MXRA7: variants seen among roughly 807,000 people sequenced by gnomAD.
MXRA7 encodes matrix remodeling associated 7.
In MXRA7, 18 loss-of-function variants were observed where a neutral mutation model predicts 17.4. The ratio of observed to expected loss-of-function variants is 1.03; its 90% confidence interval spans 0.71 to 1.53. The LOEUF is 1.53. MXRA7 is among the 40% of genes most tolerant of loss of function. MXRA7 has a pLI of 0.00. For synonymous variants in MXRA7, 70 were observed against 101.7 expected, an observed-to-expected ratio of 0.69 and a Z score of 1.87; for missense variants, 141 against 209.3, an observed-to-expected ratio of 0.67 and a Z score of 2.01.
intron 1 of MXRA7, chr17:76,688,882 G>T: frequency 2.8e-6 from 1 of 357,464 alleles, no homozygotes. Flanking sequence ...AGCCCAGTGG[G>T]TAGATGTGGA....
chr17:76,697,902 G>C (rs1160754669), intron 1 of MXRA7, among the ~76,000 whole-genome samples: 2 of 151,818 alleles, frequency 1.3e-5, no homozygotes, highest in African/African-American at 4.8e-5. Flanking sequence ...GGAGAGAGGG[G>C]AGGGGAGAGA....
chr17:76,678,168 G>T (rs536088593), downstream of MXRA7, among the ~76,000 whole-genome samples: 46 of 152,328 alleles, frequency 3.0e-4, no homozygotes, highest in South Asian at 8.1e-3. Flanking sequence ...GGAAATCAGG[G>T]AGCATACAAG....
chr17:76,706,143 A>AGAGGCCCACG (rs1454274829), intron 1 of MXRA7, among the ~76,000 whole-genome samples: 3 of 54,252 alleles, frequency 5.5e-5, no homozygotes, highest in Non-Finnish European at 1.2e-4. Flanking sequence ...AAAGGACCAC[A>AGAGGCCCACG]CTGCCGTCAC....
At chr17:76,677,583 G>C (rs369217180), downstream of MXRA7, 4 of 1,598,550 alleles carry the variant, frequency 2.5e-6, no homozygotes, top group African/African-American at 2.7e-5. Context: ...TCCCGTGGGC[G>C]CAGTCTACAT....
At chr17:76,692,213 C>CA (rs34545186) in intron 1 of MXRA7, among the ~76,000 whole-genome samples, 50,513 of 139,856 alleles carry the variant, frequency 0.36, 9,627 homozygotes, top group Middle Eastern at 0.48. Flanking sequence ...ACCCTGTCAC[C>CA]AAAAGAAAAA....
chr17:76,692,456 T>A (rs1394687304), intron 1 of MXRA7, among the ~76,000 whole-genome samples: 1 of 152,030 alleles, frequency 6.6e-6, no homozygotes, highest in Admixed American at 6.5e-5. Flanking sequence ...TTTCTCCATG[T>A]TGGTCAGGCT....
At chr17:76,703,417 T>C (rs994714074) in intron 1 of MXRA7, among the ~76,000 whole-genome samples, 9 of 152,062 alleles carry the variant, frequency 5.9e-5, no homozygotes, top group African/African-American at 2.2e-4. Context: ...AGCTCAGCAG[T>C]TTGAGACCAA....
At chr17:76,702,858 A>AAT (rs1303277941) in intron 1 of MXRA7, among the ~76,000 whole-genome samples, 32 of 55,684 alleles carry the variant, frequency 5.7e-4, no homozygotes, top group Middle Eastern at 7.1e-3. Context: ...TCTTAAAATA[A>AAT]ATATATATAT....
chr17:76,703,922 T>A (rs1325996735), intron 1 of MXRA7, among the ~76,000 whole-genome samples: 1 of 151,376 alleles, frequency 6.6e-6, no homozygotes, highest in Non-Finnish European at 1.5e-5. Flanking sequence ...TTTTAGCCAA[T>A]GTAACCCTGT....
intron 1 of MXRA7, among the ~76,000 whole-genome samples, chr17:76,690,711 TTTTG>T (rs1041051145): frequency 6.6e-6 from 1 of 152,066 alleles, no homozygotes; most frequent in Admixed American, 6.6e-5. Flanking sequence ...ACAGTTTTTA[TTTTG>T]TTTGTTTTTT....
chr17:76,706,631 A>G (rs2076665024), intron 1 of MXRA7, among the ~76,000 whole-genome samples: 1 of 152,238 alleles, frequency 6.6e-6, no homozygotes, highest in Non-Finnish European at 1.5e-5. Context: ...CAGAGGACAC[A>G]GGTGGACCTG....
rs35115981 is a variant in MXRA7, at chr17:76,692,635, TA to T, written c.343-4460del. Among the ~76,000 whole-genome samples, 1,380 of 142,566 alleles carry T rather than the reference TA, an allele frequency of 9.7e-3. 16 individuals are homozygous for T. Among genetic ancestry groups the T allele is most frequent in the African/African-American group, 0.031 (1,183 of 38,286 alleles). The allele number at this position is 142,566 out of a possible 152,430, so 93.5% of individuals were successfully genotyped here. A position where few individuals can be genotyped will look rare whatever the true frequency, so the allele number is the denominator to read the frequency against. On this transcript the variant is annotated intron_variant, in intron 1 of 3. Coordinates refer to ENST00000449428, the MANE Select transcript of MXRA7 (RefSeq NM_198530.4). The stretch of plus-strand genomic sequence containing the variant: ...AATGAGAAGGCCTTACTAGTATTGT[TA>T]AAAAAAAAAAAAAATGGGCGACCAA...
At chr17:76,696,693 G>T (rs1459945247) in intron 1 of MXRA7, among the ~76,000 whole-genome samples, 1 of 152,110 alleles carries the variant, frequency 6.6e-6, no homozygotes, top group Non-Finnish European at 1.5e-5. Context: ...ACAGAGCTCA[G>T]GGGAGAGATG....
Position 76,710,626 on chromosome 17 carries a change from C to T in MXRA7, c.321G>A (p.Glu107=), listed in dbSNP as rs2076709837. 1.4e-6 allele frequency: 2 copies of T among 1,383,624 alleles called. No individual in the cohort carries two copies. The highest frequency in any genetic ancestry group is 6.4e-5 in the East Asian group (2 of 31,072). The allele number at this position is 1,383,624 out of a possible 1,614,324, so 85.7% of individuals were successfully genotyped here. ...GTACCTGCCTCGCCTCCACCGCCTG[C>T]TCCTCCGCCTCCGCTGGCGCCGCCG... ...DPAAAPAEAE[E]QAVEARQEEE... is the part of the protein sequence containing the mutation. The change falls in exon 1 of 4, where the codon GAG becomes GAA. Residue 107 remains glutamate, a synonymous_variant. Transcript: ENST00000449428.
chr17:76,709,172 TA>T (rs1437058227), intron 1 of MXRA7, among the ~76,000 whole-genome samples: 1 of 152,106 alleles, frequency 6.6e-6, no homozygotes, highest in Admixed American at 6.5e-5. Context: ...GTGTGGGTGA[TA>T]AAGGGCCAGC....
At chr17:76,694,197 G>A (rs1372025101) in intron 1 of MXRA7, among the ~76,000 whole-genome samples, 2 of 152,130 alleles carry the variant, frequency 1.3e-5, no homozygotes, top group African/African-American at 2.4e-5. Context: ...GGAGAGACTC[G>A]TTGGAGAGCC....
chr17:76,710,487 C>T (rs1041742328), intron 1 of MXRA7, 118 bp downstream of exon 1: 33 of 890,622 alleles, frequency 3.7e-5, no homozygotes, highest in Admixed American at 4.7e-5. Context: ...GGGTTCTGCG[C>T]TTCCTGGGGG....
At chr17:76,679,292 A>AAAGG (rs1567974751), downstream of MXRA7, among the ~76,000 whole-genome samples, 1 of 149,376 alleles carries the variant, frequency 6.7e-6, no homozygotes, top group African/African-American at 2.5e-5. Flanking sequence ...TGTCTCAAAA[A>AAAGG]AAAAAAAAAA....
At chr17:76,678,941 C>T (rs1024716463), downstream of MXRA7, among the ~76,000 whole-genome samples, 1 of 152,184 alleles carries the variant, frequency 6.6e-6, no homozygotes. Flanking sequence ...GCTGTGTCTA[C>T]AGTCGGTTCC....
Sources: gnomAD v4.1 joint callset for allele counts (sites outside exome capture counted in the v4.1 genomes callset) on GRCh38, gnomAD v4.1.1 for gene constraint, MANE v1.5 for transcripts, NCBI Gene and HGNC (gene_info 2026-07-23, HGNC 2026-07-21) for gene names.